SPTBN2: variants seen among roughly 807,000 people sequenced by gnomAD.
SPTBN2 encodes spectrin beta, non-erythrocytic 2, also known as spectrin beta chain, non-erythrocytic 2.
SPTBN2 carries 107 observed loss-of-function variants against 284.2 expected under a neutral mutation model. The observed-to-expected ratio is 0.38, with a 90% CI of 0.32 to 0.44. SPTBN2 has a LOEUF of 0.44. SPTBN2 is among the 20% of genes least tolerant of loss of function. SPTBN2 has a pLI of 1.00. For missense variants in SPTBN2, 2,569 were observed against 3,287.1 expected (o/e 0.78, Z 5.34); for synonymous variants, 1,289 against 1,354.8 (o/e 0.95, Z 1.07).
In SPTBN2 at chr11:66,714,102, C is replaced by G; in HGVS notation, c.645G>C (p.Val215=). 6.2e-7 allele frequency: 1 copy of G among 1,614,232 alleles called. No individual in the cohort carries two copies. Among genetic ancestry groups the G allele is most frequent in the Non-Finnish European group, 8.5e-7 (1 of 1,180,036 alleles). Residue 215 remains valine, a synonymous_variant, in exon 7 of 38, where the codon GTG becomes GTC. Coordinates refer to ENST00000533211, the MANE Select transcript of SPTBN2 (RefSeq NM_006946.4). ...WRDGLAFNAI[V]HKHRPDLLDF... ...CCCCATCTTCTCACCGGTGTTTATG[C>G]ACGATGGCGTTGAAAGCTAGTCCAT...
rs769683357 is a variant in SPTBN2 at position 66,687,947 on chromosome 11, G to A, written c.6451-29C>T. On this transcript the variant is annotated intron_variant, in intron 33 of 37. Coordinates refer to ENST00000533211, the MANE Select transcript of SPTBN2 (RefSeq NM_006946.4). This position sits in a 1 kb window ranked among gnomAD's most constrained non-coding sequence, Gnocchi z 5.2. ...CAAGGACAAGAATCTGTAAAAGGAT[G>A]TGCGGGGGTGGAGGGGCTACGACTC... 4 of 1,614,102 alleles carry A rather than the reference G, an allele frequency of 2.5e-6. No homozygotes were observed. Among genetic ancestry groups the A allele is most frequent in the Non-Finnish European group, 2.5e-6 (3 of 1,180,052 alleles).
rs1590950122 is a variant in SPTBN2 at position 66,705,941 on chromosome 11, G to A, written c.1654-104C>T. The A allele has an allele frequency of 7.4e-6, 11 of 1,491,938 alleles. No homozygotes were observed. The East Asian group carries it at 2.0e-4, about 27-fold the overall frequency. 92.4% of individuals were successfully genotyped at this position (1,491,938 alleles called of 1,614,324 possible). On this transcript the variant is annotated intron_variant, in intron 13 of 37. Coordinates refer to ENST00000533211, the MANE Select transcript of SPTBN2 (RefSeq NM_006946.4). ...CCACGGCCCCAGGTGTTGCACCCAG[G>A]TGAGAAACCTGCTTGCTCACACATA...
rs191967644 is a variant in SPTBN2, at chr11:66,707,345, G to A, written c.1653+171C>T. Among the ~76,000 whole-genome samples, 81 of 152,282 alleles carry A rather than the reference G, an allele frequency of 5.3e-4. No homozygotes were observed. The highest frequency in any genetic ancestry group is 1.9e-3 in the African/African-American group (80 of 41,552). On this transcript the variant is annotated intron_variant, in intron 13 of 37. Coordinates refer to ENST00000533211, the MANE Select transcript of SPTBN2 (RefSeq NM_006946.4). This position sits in a 1 kb window ranked among gnomAD's most constrained non-coding sequence, Gnocchi z 4.9. ...TCATCAGCCTCCTCCATGTGGACAC[G>A]AACCCCATGTGGACAGGGCCCTGTT...
intron 21 of SPTBN2, among the ~76,000 whole-genome samples, chr11:66,695,567 T>G (rs1406130127): frequency 6.6e-6 from 1 of 152,066 alleles, no homozygotes; most frequent in African/African-American, 2.4e-5. Context: ...GCCATACCCC[T>G]TATTTTACAT....
In SPTBN2 at chr11:66,689,939, C is replaced by T. The variant is rs1940421044; in HGVS notation, c.5815G>A (p.Val1939Met). The T allele has an allele frequency of 6.2e-7, 1 of 1,614,014 alleles. No individual in the cohort carries two copies. Reference protein sequence around the residue: ...QMDAQERPRDVSSADLVIKNQ... With the variant: ...QMDAQERPRDMSSADLVIKNQ... ...TTGATGACTAGATCCGCGGAGGACA[C>T]ATCCCTGGGGGGAGGCAGAAACAGC... Residue 1939 changes from valine to methionine, a missense_variant, in exon 29 of 38, where the codon GTG becomes ATG. Val to Met is a conservative substitution (Grantham distance 21, BLOSUM62 1). Coordinates refer to ENST00000533211, the MANE Select transcript of SPTBN2 (RefSeq NM_006946.4).
rs139107445 is a variant in SPTBN2 at position 66,689,146 on chromosome 11, C to T, written c.5984G>A (p.Arg1995His). The change falls in exon 30 of 38, where the codon CGC (arginine) becomes CAC (histidine). Residue 1995 changes from arginine to histidine, a missense_variant. Arg to His is a conservative substitution (Grantham distance 29). Around this residue, in one of 6 missense-constraint regions of SPTBN2, gnomAD observed 1,130 missense variants for 1,317.3 expected, o/e 0.86. Transcript: ENST00000533211. Reference sequence around the variant, plus strand: ...CTGCCACTTCTCAGCTGTCTCCTGGCGCCGTGCCTGCAGCTGAGACAGCTT... The same window carrying T: ...CTGCCACTTCTCAGCTGTCTCCTGGTGCCGTGCCTGCAGCTGAGACAGCTT... The part of the protein sequence containing the change: ...SEKLSQLQAR[R>H]QETAEKWQEK... The T allele has an allele frequency of 8.6e-5, 138 of 1,609,936 alleles. No homozygotes were observed. The East Asian group carries it at 1.8e-3, about 21-fold the overall frequency.
At chr11:66,686,314 A>T (rs1239539323) in intron 37 of SPTBN2, 84 bp downstream of exon 37, 1 of 1,565,650 alleles carries the variant, frequency 6.4e-7, no homozygotes, top group Non-Finnish European at 8.8e-7. Flanking sequence ...CAGGAAAAAG[A>T]GGGAGGACAG....
rs1025706763 is a variant in SPTBN2, at chr11:66,684,015, C to T, written c.*1856G>A. Among the ~76,000 whole-genome samples, 3 of 152,200 alleles carry T rather than the reference C, an allele frequency of 2.0e-5. No individual in the cohort carries two copies. Among genetic ancestry groups the T allele is most frequent in the Non-Finnish European group, 4.4e-5 (3 of 68,038 alleles). ...CTACCCATCTTAAGGGGGAAATTAT[C>T]CTGCAGGCTCTCTGGTCTACCGGTT... is the stretch of plus-strand genomic sequence containing the variant. On this transcript the variant is annotated 3_prime_UTR_variant, in exon 38 of 38. Transcript: ENST00000533211.
In SPTBN2 at chr11:66,684,831, C is replaced by T. The variant is rs925595324; in HGVS notation, c.*1040G>A. On this transcript the variant is annotated 3_prime_UTR_variant, in exon 38 of 38. Transcript: ENST00000533211. ...ACGGCAAGTGGGGGCAGTAAGCACCCGCTGTGTGCTCAGCTTTCCACCACT... is the reference window on the plus strand; with the variant it reads ...ACGGCAAGTGGGGGCAGTAAGCACCTGCTGTGTGCTCAGCTTTCCACCACT... Among the ~76,000 whole-genome samples, 9 of 152,044 alleles carry T rather than the reference C, an allele frequency of 5.9e-5. No individual in the cohort carries two copies. Among genetic ancestry groups the T allele is most frequent in the South Asian group, 2.1e-4 (1 of 4,824 alleles).
upstream of SPTBN2, among the ~76,000 whole-genome samples, chr11:66,734,073 T>C (rs541586784): frequency 3.4e-4 from 52 of 152,244 alleles, no homozygotes; most frequent in African/African-American, 1.2e-3. Context: ...TTGGCAGCAA[T>C]TGACTCTAAT....
At chr11:66,703,043 T>C (rs541898564) in intron 15 of SPTBN2, among the ~76,000 whole-genome samples, 34 of 151,560 alleles carry the variant, frequency 2.2e-4, no homozygotes, top group Admixed American at 2.2e-3. Context: ...TACATTAGGA[T>C]ACCTTGAAAA....
Position 66,693,061 on chromosome 11 carries a change from C to G in SPTBN2, c.4894G>C (p.Val1632Leu). Reference sequence around the variant, plus strand: ...TAGTCGGCCAGGGCTTGCTCCAGCACCTGGTGCTTCTTCACCTCTGCCTGG... The same window carrying G: ...TAGTCGGCCAGGGCTTGCTCCAGCAGCTGGTGCTTCTTCACCTCTGCCTGG... ...SAQAEVKKHQ[V>L]LEQALADYAQ... The change falls in exon 25 of 38, where the codon GTG becomes CTG. Residue 1632 changes from valine (V) to leucine (L), a missense_variant. Val to Leu is a conservative substitution (Grantham distance 32, BLOSUM62 1). Coordinates refer to ENST00000533211, the MANE Select transcript of SPTBN2 (RefSeq NM_006946.4). This position sits in a 1 kb window ranked among gnomAD's most constrained non-coding sequence, Gnocchi z 5.7. 1 of 1,614,074 alleles carries G rather than the reference C, an allele frequency of 6.2e-7. No individual in the cohort carries two copies. The highest frequency in any genetic ancestry group is 8.5e-7 in the Non-Finnish European group (1 of 1,180,032).
rs533525670 is a variant in SPTBN2 at position 66,699,220 on chromosome 11, C to T, written c.3777-138G>A. 3.3e-5 allele frequency: 43 copies of T among 1,320,474 alleles called. No homozygotes were observed. The East Asian group carries it at 6.7e-4, about 20-fold the overall frequency. 81.8% of individuals were successfully genotyped at this position (1,320,474 alleles called of 1,614,324 possible). ...CAATGAGGCTACCCAGGAATCCTGA[C>T]TTCCTTTTAGCCCTGGTTGGGGGTG... is the stretch of plus-strand genomic sequence containing the variant. On this transcript the variant is annotated intron_variant, in intron 18 of 37. Transcript: ENST00000533211.
chr11:66,686,790 C>T (rs1940144356), intron 36 of SPTBN2: 1 of 714,838 alleles, frequency 1.4e-6, no homozygotes, highest in South Asian at 1.8e-5. Flanking sequence ...GCCGTCAGGC[C>T]TGGGTCTTGG....
At position 66,715,428 on chromosome 11, in the gene SPTBN2, C is replaced by T. The variant is rs1178869996; in HGVS notation, c.310-33G>A. The T allele has an allele frequency of 2.5e-6, 4 of 1,590,678 alleles. No individual in the cohort carries two copies. The highest frequency in any genetic ancestry group is 3.4e-6 in the Non-Finnish European group (4 of 1,165,722). ...GGGACGGGGGCAAAATGGCACGGGA[C>T]TGTGGGCTTCCACCTTCTTCCCCAG... On this transcript the variant is annotated intron_variant, in intron 4 of 37. Coordinates refer to ENST00000533211, the MANE Select transcript of SPTBN2 (RefSeq NM_006946.4). This position sits in a 1 kb window ranked among gnomAD's most constrained non-coding sequence, Gnocchi z 5.3.
At position 66,700,561 on chromosome 11, in the gene SPTBN2, C is replaced by G. The variant is rs1358726627; in HGVS notation, c.3538G>C (p.Asp1180His). 6.2e-7 allele frequency: 1 copy of G among 1,606,786 alleles called. No homozygotes were observed. The highest frequency in any genetic ancestry group is 2.2e-5 in the East Asian group (1 of 44,882). The change falls in exon 17 of 38, where the codon GAT becomes CAT. Residue 1180 changes from aspartate to histidine, a missense_variant. Coordinates refer to ENST00000533211, the MANE Select transcript of SPTBN2 (RefSeq NM_006946.4). The surrounding 1 kb of genome is among the most constrained non-coding windows in gnomAD (Gnocchi z 6.6). ...QAHGFQGFLR[D>H]ARQAEGVLSS... Reference sequence around the variant, plus strand: ...AGCACGCCCTCAGCCTGACGAGCATCCCGCAGGAATCCCTGGAAGCCGTGG... The same window carrying G: ...AGCACGCCCTCAGCCTGACGAGCATGCCGCAGGAATCCCTGGAAGCCGTGG...
chr11:66,717,593 T>C (rs965545520), intron 3 of SPTBN2, among the ~76,000 whole-genome samples: 1 of 152,176 alleles, frequency 6.6e-6, no homozygotes. Context: ...CCAAGGTGCC[T>C]TGGGGCCTCC....
intron 27 of SPTBN2, 99 bp from the exon 28 acceptor site, chr11:66,690,382 C>T (rs1940461436): frequency 1.4e-6 from 2 of 1,437,534 alleles, no homozygotes; most frequent in Admixed American, 2.7e-5. Context: ...GCCTGTCTCA[C>T]AGCCAAAGAA....
At chr11:66,704,042 G>A (rs1442638950) in intron 15 of SPTBN2, among the ~76,000 whole-genome samples, 1 of 146,122 alleles carries the variant, frequency 6.8e-6, no homozygotes, top group African/African-American at 2.6e-5. Flanking sequence ...GCACGATCTC[G>A]GCTCACTGCA....
Sources: allele counts gnomAD v4.1 joint callset (sites outside exome capture counted in the v4.1 genomes callset), GRCh38; gene constraint gnomAD v4.1.1; regional missense constraint gnomAD v4.1.1; non-coding constraint Gnocchi (gnomAD v3.1); transcripts MANE v1.5; gene names NCBI Gene and HGNC (gene_info 2026-07-23, HGNC 2026-07-21).